The following NPFFR2 variants were observed in gnomAD, a reference collection of about 807,000 sequenced individuals.
NPFFR2 encodes the protein G-protein coupled receptor 74.
Under a neutral mutation model 13.1 loss-of-function variants are expected in NPFFR2, and 15 were observed. That is an observed-to-expected ratio of 1.15 (90% CI 0.77 to 1.76). NPFFR2 has a LOEUF of 1.76. NPFFR2 is among the 40% of genes most tolerant of loss of function. The probability of loss-of-function intolerance (pLI) is 0.00; values close to 1 mark genes in which losing one functional copy is unlikely to be tolerated. For synonymous variants in NPFFR2, 190 were observed against 175.7 expected (o/e 1.08, Z -0.65); for missense variants, 572 against 503.5 (o/e 1.14, Z -1.30).
chr4:72,065,101 AAAAC>A (rs1175310476), intron 1 of NPFFR2, among the ~76,000 whole-genome samples: 1 of 152,128 alleles, frequency 6.6e-6, no homozygotes, highest in Non-Finnish European at 1.5e-5. Flanking sequence ...GAAAAAAAAA[AAAAC>A]AAAGCTTATG....
chr4:72,132,916 T>G (rs1363555782), intron 2 of NPFFR2, among the ~76,000 whole-genome samples: 1 of 152,222 alleles, frequency 6.6e-6, no homozygotes. Flanking sequence ...AATGCAAAGT[T>G]TGCAAAAATT....
intron 1 of NPFFR2, among the ~76,000 whole-genome samples, chr4:72,052,590 C>A (rs2109766573): frequency 6.6e-6 from 1 of 152,156 alleles, no homozygotes; most frequent in East Asian, 1.9e-4. Context: ...TGGCACAAGA[C>A]AGGGATGCCT....
At chr4:72,058,725 T>C (rs1216023292) in intron 1 of NPFFR2, among the ~76,000 whole-genome samples, 1 of 152,094 alleles carries the variant, frequency 6.6e-6, no homozygotes, top group Non-Finnish European at 1.5e-5. Context: ...CCCATGGGAT[T>C]GGCTGTTTTT....
intron 1 of NPFFR2, among the ~76,000 whole-genome samples, chr4:72,081,038 C>T (rs1240715177): frequency 1.3e-5 from 2 of 152,142 alleles, no homozygotes; most frequent in African/African-American, 2.4e-5. Flanking sequence ...GATGTCACTG[C>T]CAACTCCTAG....
chr4:72,036,286 C>G (rs1277739700), intron 1 of NPFFR2, among the ~76,000 whole-genome samples: 1 of 152,008 alleles, frequency 6.6e-6, no homozygotes, highest in African/African-American at 2.4e-5. Context: ...CACTGCAGGA[C>G]TCCCAAGTAT....
At chr4:72,055,468 C>T (rs1406057513) in intron 1 of NPFFR2, among the ~76,000 whole-genome samples, 1 of 151,890 alleles carries the variant, frequency 6.6e-6, no homozygotes, top group Non-Finnish European at 1.5e-5. Context: ...AGCAGATATT[C>T]TCCCCTCTCC....
intron 1 of NPFFR2, among the ~76,000 whole-genome samples, chr4:72,084,109 C>T (rs1386484062): frequency 6.6e-6 from 1 of 152,182 alleles, no homozygotes; most frequent in Non-Finnish European, 1.5e-5. Flanking sequence ...TGCTTCTATT[C>T]TTGCTCCTCT....
At chr4:72,125,710 C>G (rs1045865532) in intron 1 of NPFFR2, among the ~76,000 whole-genome samples, 2 of 152,224 alleles carry the variant, frequency 1.3e-5, no homozygotes, top group African/African-American at 4.8e-5. Flanking sequence ...AAAGGCCCAT[C>G]AAGTTGGTCT....
intron 1 of NPFFR2, among the ~76,000 whole-genome samples, chr4:72,062,942 GAAAAC>G (rs5859301): frequency 0.89 from 135,259 of 151,744 alleles, 61,388 homozygotes; most frequent in Non-Finnish European, 0.98. Context: ...AGACTTTTGA[GAAAAC>G]AAAACAAAAC....
intron 1 of NPFFR2, among the ~76,000 whole-genome samples, chr4:72,126,919 A>G (rs1722060481): frequency 1.3e-5 from 2 of 152,122 alleles, no homozygotes; most frequent in Admixed American, 1.3e-4. Flanking sequence ...ACTTTAATAA[A>G]TATTAGTGTG....
chr4:72,036,160 C>T lies in NPFFR2; in HGVS notation c.-8+3960C>T, dbSNP rs560368934. Among the ~76,000 whole-genome samples the T allele has an allele frequency of 3.7e-4, 56 of 152,212 alleles. 1 individual carries two copies. Among genetic ancestry groups the T allele is most frequent in the African/African-American group, 1.1e-3 (47 of 41,540 alleles). On this transcript the variant is annotated intron_variant, in intron 1 of 3. Transcript: ENST00000308744. Reference sequence around the variant, plus strand: ...ATTGAGTATGCTTACAATCCCTTTTCGGTGGATAAAGAAACTGAGGCTCAG... The same window carrying T: ...ATTGAGTATGCTTACAATCCCTTTTTGGTGGATAAAGAAACTGAGGCTCAG...
chr4:72,103,090 T>C (rs1721305144), intron 1 of NPFFR2, among the ~76,000 whole-genome samples: 1 of 152,152 alleles, frequency 6.6e-6, no homozygotes, highest in East Asian at 1.9e-4. Context: ...GATATCTCAT[T>C]GTGGTTTTGA....
At chr4:72,141,645 T>C (rs1053973178) in intron 3 of NPFFR2, among the ~76,000 whole-genome samples, 12 of 152,196 alleles carry the variant, frequency 7.9e-5, no homozygotes, top group African/African-American at 2.9e-4. Context: ...TGATTTCTGT[T>C]CTTTTACATT....
chr4:72,097,553 T>C (rs1381103829), intron 1 of NPFFR2, among the ~76,000 whole-genome samples: 1 of 152,176 alleles, frequency 6.6e-6, no homozygotes, highest in African/African-American at 2.4e-5. Context: ...AGCTTCACTG[T>C]AGTCTTTTAA....
At chr4:72,034,794 C>G (rs1252367785) in intron 1 of NPFFR2, among the ~76,000 whole-genome samples, 1 of 152,124 alleles carries the variant, frequency 6.6e-6, no homozygotes, top group African/African-American at 2.4e-5. Flanking sequence ...TCCAGGGAGA[C>G]CTTCACTCCA....
At chr4:72,134,066 A>C (rs1205061450) in intron 2 of NPFFR2, among the ~76,000 whole-genome samples, 1 of 152,154 alleles carries the variant, frequency 6.6e-6, no homozygotes. Flanking sequence ...GGAATTCAAG[A>C]CCAGCCTGGC....
At chr4:72,106,213 A>G (rs1721415143) in intron 1 of NPFFR2, among the ~76,000 whole-genome samples, 1 of 152,050 alleles carries the variant, frequency 6.6e-6, no homozygotes, top group Admixed American at 6.6e-5. Flanking sequence ...CCTTACAGAC[A>G]CACCTGAGAC....
chr4:72,055,873 C>T lies in NPFFR2; in HGVS notation c.-8+23673C>T, dbSNP rs537977534. ...GTTGGAGTCTAATCCAGAGCAAGGC[C>T]CTAACTCTATTCAATTCTATGAAAG... On this transcript the variant is annotated intron_variant, in intron 1 of 3. Transcript: ENST00000308744. Among the ~76,000 whole-genome samples, 8 of 152,010 alleles carry T rather than the reference C, an allele frequency of 5.3e-5. No individual in the cohort carries two copies. In the South Asian group the frequency reaches 6.2e-4, roughly 12 times the overall value.
At chr4:72,120,025 A>G (rs901658323) in intron 1 of NPFFR2, among the ~76,000 whole-genome samples, 1 of 152,146 alleles carries the variant, frequency 6.6e-6, no homozygotes, top group African/African-American at 2.4e-5. Flanking sequence ...GCTAAGATCC[A>G]CTGGCTTGAA....
Sources: allele counts gnomAD v4.1 joint callset (sites outside exome capture counted in the v4.1 genomes callset), GRCh38; gene constraint gnomAD v4.1.1; transcripts MANE v1.5; gene names NCBI Gene and HGNC (gene_info 2026-07-23, HGNC 2026-07-21).